The following CDC14A variants were observed in gnomAD, a reference collection of about 807,000 sequenced individuals.
The protein encoded by CDC14A is dual specificity protein phosphatase CDC14A.
A neutral mutation model predicts 74.4 loss-of-function variants in CDC14A; 53 were observed. The observed-to-expected ratio is 0.71, with a 90% confidence interval of 0.57 to 0.89. The LOEUF (loss-of-function observed/expected upper bound fraction) is 0.89, where lower values mean the gene tolerates loss of function less well. Ranked by LOEUF, CDC14A falls within the 40% of genes least tolerant of loss-of-function variation. CDC14A has a pLI of 0.00. For synonymous variants in CDC14A, 247 were observed against 258.4 expected (o/e 0.96, Z 0.43); for missense variants, 646 against 713.7 (o/e 0.91, Z 1.08).
intron 7 of CDC14A, chr1:100,443,214 C>T (rs1571206013): frequency 9.4e-6 from 4 of 427,012 alleles, no homozygotes; most frequent in Non-Finnish European, 1.6e-5. Context: ...TATATATTCT[C>T]TCATTTATAT....
chr1:100,359,241 A>G (rs114139695), intron 2 of CDC14A, among the ~76,000 whole-genome samples: 1 of 152,232 alleles, frequency 6.6e-6, no homozygotes, highest in Admixed American at 6.5e-5. Flanking sequence ...AACTCAATTA[A>G]TCCTCAGAAC....
upstream of CDC14A, chr1:100,352,478 T>G: frequency 2.0e-6 from 2 of 1,023,072 alleles, no homozygotes; most frequent in Non-Finnish European, 2.3e-6. Flanking sequence ...GAGTAACTGC[T>G]GAAAGGAGGT....
chr1:100,418,597 T>C (rs1661843451), intron 4 of CDC14A, among the ~76,000 whole-genome samples: 4 of 151,916 alleles, frequency 2.6e-5, no homozygotes, highest in Admixed American at 2.6e-4. Context: ...ACTACTGGAG[T>C]AGGCAGGAGG....
chr1:100,504,686 C>T, intron 15 of CDC14A: 1 of 654,764 alleles, frequency 1.5e-6, no homozygotes, highest in East Asian at 2.8e-5. Context: ...CCAGTGGTCC[C>T]TTAGTGCTAG....
intron 9 of CDC14A, among the ~76,000 whole-genome samples, chr1:100,463,810 T>C (rs183685572): frequency 6.6e-6 from 1 of 152,308 alleles, no homozygotes; most frequent in East Asian, 1.9e-4. Flanking sequence ...GATATTTTAC[T>C]GGGTCTTTGA....
intron 4 of CDC14A, among the ~76,000 whole-genome samples, chr1:100,412,008 A>T (rs943586130): frequency 6.6e-6 from 1 of 152,204 alleles, no homozygotes; most frequent in Non-Finnish European, 1.5e-5. Flanking sequence ...GGAAAGGCTG[A>T]GGAACCAAGA....
chr1:100,383,878 A>T (rs1656485127), intron 3 of CDC14A, among the ~76,000 whole-genome samples: 1 of 150,570 alleles, frequency 6.6e-6, no homozygotes, highest in South Asian at 2.1e-4. Flanking sequence ...GTGTTTCTTT[A>T]AATTGACCTT....
rs759177065 is a variant in CDC14A, at chr1:100,484,263, CGTTTTGTTTT to C, written c.978-18_978-9del. ...TGTTTTAAAGATAACTTTTTCTTGT[CGTTTTGTTTT>C]GTTTTGTTTTTTATACAGAAAACAA... On this transcript the variant is annotated intron_variant, in intron 10 of 15. Transcript: ENST00000336454. The C allele has an allele frequency of 1.5e-6, 2 of 1,352,216 alleles. No homozygotes were observed. The highest frequency in any genetic ancestry group is 2.0e-6 in the Non-Finnish European group (2 of 1,002,248). The allele number at this position is 1,352,216 out of a possible 1,614,324, so 83.8% of individuals were successfully genotyped here.
intron 8 of CDC14A, among the ~76,000 whole-genome samples, chr1:100,460,299 CTATT>C (rs1667192931): frequency 6.6e-6 from 1 of 152,172 alleles, no homozygotes; most frequent in South Asian, 2.1e-4. Context: ...TCTTAATAGT[CTATT>C]TAGGCATGTT....
chr1:100,463,674 G>T (rs1001862157), intron 9 of CDC14A, among the ~76,000 whole-genome samples: 7 of 152,234 alleles, frequency 4.6e-5, no homozygotes, highest in African/African-American at 1.7e-4. Flanking sequence ...ATTTTATCTG[G>T]CAACCCCATG....
In CDC14A at chr1:100,442,989, A is replaced by T. The variant is rs780275633; in HGVS notation, c.512A>T (p.His171Leu). The change falls in exon 7 of 16, where the codon CAT becomes CTT. Residue 171 changes from histidine (H) to leucine (L), a missense_variant. Physicochemically the swap from His to Leu is moderately conservative, Grantham distance 99. Coordinates refer to ENST00000336454, the MANE Select transcript of CDC14A (RefSeq NM_003672.4). ...FETFDVDEYE[H>L]YERVENGDFN... ...ACATTTGATGTGGATGAATATGAAC[A>T]TTATGAGGTTTGTACATTTAATTTT... 296 of 1,587,970 alleles carry T rather than the reference A, an allele frequency of 1.9e-4. No homozygotes were observed. Among genetic ancestry groups the T allele is most frequent in the Non-Finnish European group, 2.4e-4 (283 of 1,157,466 alleles).
chr1:100,413,352 C>T (rs1661122016), intron 4 of CDC14A, among the ~76,000 whole-genome samples: 1 of 152,142 alleles, frequency 6.6e-6, no homozygotes, highest in Non-Finnish European at 1.5e-5. Flanking sequence ...GATTCTAGAC[C>T]TGAGATTTAG....
At chr1:100,401,345 TTTAA>T (rs1383135564) in intron 4 of CDC14A, among the ~76,000 whole-genome samples, 1 of 152,206 alleles carries the variant, frequency 6.6e-6, no homozygotes, top group Non-Finnish European at 1.5e-5. Flanking sequence ...TGAATGACTG[TTTAA>T]TTGATAAATA....
intron 3 of CDC14A, among the ~76,000 whole-genome samples, chr1:100,384,432 G>T (rs1412104901): frequency 6.6e-6 from 1 of 151,976 alleles, no homozygotes; most frequent in Non-Finnish European, 1.5e-5. Context: ...TCATTTTATT[G>T]GTCCTTGTGT....
At chr1:100,458,225 G>A (rs528638569) in intron 8 of CDC14A, among the ~76,000 whole-genome samples, 2 of 152,262 alleles carry the variant, frequency 1.3e-5, no homozygotes, top group South Asian at 2.1e-4. Flanking sequence ...AATTGTTGGC[G>A]TGTGGATTCA....
chr1:100,420,477 A>G (rs1329273940), intron 4 of CDC14A, among the ~76,000 whole-genome samples: 1 of 152,060 alleles, frequency 6.6e-6, no homozygotes, highest in Non-Finnish European at 1.5e-5. Flanking sequence ...ATAACTTCTC[A>G]TGTTGGTCTG....
intron 9 of CDC14A, among the ~76,000 whole-genome samples, chr1:100,466,222 A>G (rs1359746040): frequency 1.3e-5 from 2 of 152,148 alleles, no homozygotes; most frequent in African/African-American, 4.8e-5. Context: ...TGTTGTCTCC[A>G]TAAGGAAGGC....
At chr1:100,353,917 A>C in intron 2 of CDC14A, 65 bp downstream of exon 2, 1 of 838,426 alleles carries the variant, frequency 1.2e-6, no homozygotes, top group Non-Finnish European at 2.0e-6. Flanking sequence ...AGGAAACACT[A>C]TGCACTTTTA....
chr1:100,361,592 T>C (rs1397155235), intron 2 of CDC14A, among the ~76,000 whole-genome samples: 1 of 151,876 alleles, frequency 6.6e-6, no homozygotes, highest in East Asian at 1.9e-4. Context: ...AATGAGTGAG[T>C]AAGTGAATGA....
Sources: gnomAD v4.1 joint callset for allele counts (sites outside exome capture counted in the v4.1 genomes callset) on GRCh38, gnomAD v4.1.1 for gene constraint, MANE v1.5 for transcripts, NCBI Gene and HGNC (gene_info 2026-07-23, HGNC 2026-07-21) for gene names.